Variants in IL18RAP observed in about 807,000 individuals in gnomAD.
IL18RAP encodes the protein interleukin-18 receptor accessory protein.
In IL18RAP, 37 loss-of-function variants were observed where a neutral mutation model predicts 58.1. The observed-to-expected ratio is 0.64, with a 90% CI of 0.49 to 0.84. The LOEUF is 0.84. Ranked by LOEUF, IL18RAP falls within the 40% of genes least tolerant of loss-of-function variation. IL18RAP has a pLI of 0.00. For missense variants in IL18RAP, 667 were observed against 704.8 expected (o/e 0.95, Z 0.61); for synonymous variants, 268 against 257.5 (o/e 1.04, Z -0.39).
chr2:102,452,445 G>A lies in IL18RAP; in HGVS notation c.*264G>A, dbSNP rs1019270485. 15 of 403,798 alleles carry A rather than the reference G, an allele frequency of 3.7e-5. No homozygotes were observed. Among genetic ancestry groups the A allele is most frequent in the Non-Finnish European group, 4.8e-5 (11 of 227,500 alleles). 25.0% of individuals were successfully genotyped at this position (403,798 alleles called of 1,614,324 possible). On this transcript the variant is annotated 3_prime_UTR_variant, in exon 10 of 10. Coordinates refer to ENST00000687160, the MANE Select transcript of IL18RAP (RefSeq NM_001393487.1). ...CACCCCTAAGATTTCCCAGTGGTCCGAGCAGAATCAGAAAATACAGCTACT... is the reference window on the plus strand; with the variant it reads ...CACCCCTAAGATTTCCCAGTGGTCCAAGCAGAATCAGAAAATACAGCTACT...
At chr2:102,426,571 A>G (rs1314172198) in intron 3 of IL18RAP, among the ~76,000 whole-genome samples, 2 of 152,156 alleles carry the variant, frequency 1.3e-5, no homozygotes, top group Non-Finnish European at 2.9e-5. Context: ...ACAATGGGGA[A>G]AGGATTACCT....
At position 102,424,384 on chromosome 2, in the gene IL18RAP, T is replaced by C; in HGVS notation, c.549T>C (p.Asp183=). 6.2e-7 allele frequency: 1 copy of C among 1,614,054 alleles called. No homozygotes were observed. Among genetic ancestry groups the C allele is most frequent in the Non-Finnish European group, 8.5e-7 (1 of 1,179,930 alleles). Residue 183 remains aspartate, a synonymous_variant, in exon 3 of 10, where the codon GAT becomes GAC. Transcript: ENST00000687160. The stretch of plus-strand genomic sequence containing the variant: ...GCCCCAGTCTCAGCTGCCAAAGTGA[T>C]GCACAAAGTCCAGCGGTAACCTGGT... ...ISCPSLSCQS[D]AQSPAVTWYK...
chr2:102,435,869 C>T (rs1323702210), intron 3 of IL18RAP, among the ~76,000 whole-genome samples: 1 of 149,138 alleles, frequency 6.7e-6, no homozygotes, highest in African/African-American at 2.5e-5. Flanking sequence ...TGCATGCCTC[C>T]ACTCTTTTGA....
chr2:102,452,090 A>AC lies in IL18RAP; in HGVS notation c.1711dup (p.Gln571ProfsTer7), dbSNP rs1315777303. The AC allele has an allele frequency of 2.5e-5, 40 of 1,614,058 alleles. No homozygotes were observed. The highest frequency in any genetic ancestry group is 3.4e-5 in the Non-Finnish European group (40 of 1,180,048). On this transcript the variant is annotated frameshift_variant, in exon 10 of 10. Coordinates refer to ENST00000687160, the MANE Select transcript of IL18RAP (RefSeq NM_001393487.1). LOFTEE classifies it low-confidence loss of function (END_TRUNC). ...AAAAACTCTCAGGGATTCACGTGGAACCAGCTCAGAATTACCTCTAGGATT... is the reference window on the plus strand; with the variant it reads ...AAAAACTCTCAGGGATTCACGTGGAACCCAGCTCAGAATTACCTCTAGGATT...
intron 7 of IL18RAP, 72 bp downstream of exon 7, chr2:102,445,412 T>C: frequency 7.0e-7 from 1 of 1,434,174 alleles, no homozygotes; most frequent in South Asian, 1.2e-5. Context: ...TCCTAAAGAA[T>C]AGTAATAATG....
At chr2:102,439,328 G>A (rs1287655850) in intron 4 of IL18RAP, 3 of 152,286 alleles carry the variant, frequency 2.0e-5, no homozygotes, top group African/African-American at 7.2e-5. Context: ...ACTAGGGAGT[G>A]GTAGAGGGAA....
At chr2:102,451,158 A>C in intron 9 of IL18RAP, 137 bp downstream of exon 9, 3 of 632,212 alleles carry the variant, frequency 4.7e-6, no homozygotes, top group Non-Finnish European at 7.7e-6. Context: ...GGGCAACAAC[A>C]CAGAAACTAT....
chr2:102,428,263 A>G (rs1682093927), intron 3 of IL18RAP, among the ~76,000 whole-genome samples: 3 of 151,942 alleles, frequency 2.0e-5, no homozygotes, highest in Middle Eastern at 3.4e-3. Flanking sequence ...TAGGGTTTGC[A>G]TTGAATGTGT....
intron 4 of IL18RAP, chr2:102,439,803 T>C (rs575252214): frequency 6.6e-6 from 1 of 152,330 alleles, no homozygotes; most frequent in East Asian, 1.9e-4. Context: ...ATCCAAGTCA[T>C]GACGACAAGT....
In IL18RAP at chr2:102,451,852, A is replaced by G. The variant is rs1298595373; in HGVS notation, c.1471A>G (p.Ile491Val). The G allele has an allele frequency of 1.9e-6, 3 of 1,614,148 alleles. No homozygotes were observed. The South Asian group carries it at 3.3e-5, about 18-fold the overall frequency. Reference protein sequence around the residue: ...LSPNYVNGPSIFELQAAVNLA... With the variant: ...LSPNYVNGPSVFELQAAVNLA... Reference sequence around the variant, plus strand: ...CCCCAACTATGTCAATGGACCCAGTATCTTTGAACTACAAGCAGCAGTGAA... The same window carrying G: ...CCCCAACTATGTCAATGGACCCAGTGTCTTTGAACTACAAGCAGCAGTGAA... The change falls in exon 10 of 10, where the codon ATC becomes GTC. Residue 491 changes from isoleucine to valine, a missense_variant. Coordinates refer to ENST00000687160, the MANE Select transcript of IL18RAP (RefSeq NM_001393487.1).
intron 4 of IL18RAP, among the ~76,000 whole-genome samples, chr2:102,441,018 A>T (rs1683071408): frequency 6.6e-6 from 1 of 152,204 alleles, no homozygotes; most frequent in South Asian, 2.1e-4. Flanking sequence ...AAAGACAGGG[A>T]TAGGAGCTCA....
chr2:102,440,166 G>A (rs1412541023), intron 4 of IL18RAP: 1 of 152,358 alleles, frequency 6.6e-6, no homozygotes, highest in African/African-American at 2.4e-5. Context: ...AGGGGTATCA[G>A]GAGGAGTGAA....
At chr2:102,439,923 G>A (rs1682994383) in intron 4 of IL18RAP, 2 of 152,284 alleles carry the variant, frequency 1.3e-5, no homozygotes. Context: ...GATCACCTAG[G>A]AAGTGGGCAT....
chr2:102,445,126 A>G, intron 6 of IL18RAP, 63 bp from the exon 7 acceptor site: 1 of 1,494,956 alleles, frequency 6.7e-7, no homozygotes, highest in South Asian at 1.2e-5. Context: ...ACGTGTTCCA[A>G]ATGCTGCAAA....
chr2:102,442,494 T>A (rs1037247151), intron 5 of IL18RAP, among the ~76,000 whole-genome samples: 1 of 151,894 alleles, frequency 6.6e-6, no homozygotes, highest in Non-Finnish European at 1.5e-5. Context: ...GAGGAAAAAA[T>A]TAGATTAATT....
At position 102,423,406 on chromosome 2, in the gene IL18RAP, G is replaced by A. The variant is rs1681705128; in HGVS notation, c.70+59G>A. On this transcript the variant is annotated intron_variant, in intron 1 of 9. Transcript: ENST00000687160. ...AGTCTGTGGTCAAGTGTAAAGTGAT[G>A]GATAACCTGATATATCAGCAGTGTG... is the stretch of plus-strand genomic sequence containing the variant. The A allele has an allele frequency of 6.7e-6, 9 of 1,350,646 alleles. No homozygotes were observed. In the South Asian group the frequency reaches 1.0e-4, roughly 16 times the overall value. The allele number at this position is 1,350,646 out of a possible 1,614,324, so 83.7% of individuals were successfully genotyped here.
chr2:102,437,371 G>T lies in IL18RAP; in HGVS notation c.730+9G>T, dbSNP rs909250471. On this transcript the variant is annotated intron_variant, in intron 4 of 9. Transcript: ENST00000687160. ...TCAAGTGAGAACCATTGGTAAGTGA[G>T]ATTTTTATCTCAAGATTTGAGATCT... 2.5e-6 allele frequency: 4 copies of T among 1,601,290 alleles called. No homozygotes were observed. The African/African-American group carries it at 5.4e-5, about 22-fold the overall frequency.
At chr2:102,430,390 G>C (rs1236173191) in intron 3 of IL18RAP, among the ~76,000 whole-genome samples, 1 of 151,792 alleles carries the variant, frequency 6.6e-6, no homozygotes, top group Non-Finnish European at 1.5e-5. Context: ...GCTCTCTCTT[G>C]GTTTTGGTTT....
intron 7 of IL18RAP, 81 bp from the exon 8 acceptor site, chr2:102,446,988 TG>T (rs1573301829): frequency 2.1e-6 from 3 of 1,398,194 alleles, no homozygotes; most frequent in African/African-American, 1.4e-5. Context: ...AGGTGCTGGG[TG>T]GGCCATAGCG....
Sources: allele counts gnomAD v4.1 joint callset (sites outside exome capture counted in the v4.1 genomes callset), GRCh38; gene constraint gnomAD v4.1.1; transcripts MANE v1.5; gene names NCBI Gene and HGNC (gene_info 2026-07-23, HGNC 2026-07-21).